Variants in ACSM3 observed in about 807,000 individuals in gnomAD.
The protein encoded by ACSM3 is acyl-CoA synthetase medium chain family member 3.
A neutral mutation model predicts 74.1 loss-of-function variants in ACSM3; 61 were observed. That is an observed-to-expected ratio of 0.82 (90% CI 0.67 to 1.02). The LOEUF is 1.02. Ranked by LOEUF, ACSM3 falls within the 50% of genes least tolerant of loss-of-function variation. The probability of loss-of-function intolerance (pLI) is 0.00; values close to 1 mark genes in which losing one functional copy is unlikely to be tolerated. For synonymous variants in ACSM3, 213 were observed against 241.5 expected (o/e 0.88, Z 1.09); for missense variants, 660 against 697.0 (o/e 0.95, Z 0.60).
intron 1 of ACSM3, among the ~76,000 whole-genome samples, chr16:20,693,839 T>C (rs2079675748): frequency 1.3e-5 from 2 of 152,230 alleles, no homozygotes; most frequent in South Asian, 4.1e-4. Context: ...GCAATTTTAA[T>C]ATTGTAAAAA....
intron 1 of ACSM3, chr16:20,764,886 G>C (rs1015275826): frequency 7.9e-5 from 12 of 152,248 alleles, no homozygotes; most frequent in African/African-American, 2.9e-4. Flanking sequence ...AGAGCAGCCA[G>C]TTTTCTCCTT....
At position 20,796,487 on chromosome 16, in the gene ACSM3, A is replaced by AAAAAACTAC. The variant is rs1350254660; in HGVS notation, c.1673_1674insAAAACTACA (p.Lys558_Val559insLysLeuGln). On this transcript the variant is annotated inframe_insertion and splice_region_variant, in exon 13 of 14. Coordinates refer to ENST00000289416, the MANE Select transcript of ACSM3 (RefSeq NM_005622.4). ...TACAGCACCTTACAAATATCCCAGA[A>AAAAAACTAC]AGGTAGGCATCCTAATTATAACGAA... 6.2e-7 allele frequency: 1 copy of AAAAAACTAC among 1,611,850 alleles called. No homozygotes were observed. The highest frequency in any genetic ancestry group is 1.7e-5 in the Admixed American group (1 of 59,386).
chr16:20,685,501 C>T, intron 1 of ACSM3: 1 of 1,129,668 alleles, frequency 8.9e-7, no homozygotes, highest in Non-Finnish European at 1.3e-6. Context: ...AATGTGAACA[C>T]AGCTTAAGGA....
At chr16:20,680,801 A>G (rs2079428752) in intron 1 of ACSM3, 1 of 152,204 alleles carries the variant, frequency 6.6e-6, no homozygotes, top group South Asian at 2.1e-4. Flanking sequence ...GAGGTTCCAA[A>G]TGCTTCGAAA....
intron 1 of ACSM3, chr16:20,736,761 G>C: frequency 1.0e-6 from 1 of 999,666 alleles, no homozygotes; most frequent in Non-Finnish European, 1.5e-6. Flanking sequence ...ACTACTGTGA[G>C]AACAGCATAA....
intron 1 of ACSM3, among the ~76,000 whole-genome samples, chr16:20,749,005 C>T (rs991873953): frequency 6.6e-6 from 1 of 151,972 alleles, no homozygotes; most frequent in Non-Finnish European, 1.5e-5. Flanking sequence ...GAGCCATAAT[C>T]GCACTCTATG....
chr16:20,712,823 G>A (rs1299605820), intron 1 of ACSM3, among the ~76,000 whole-genome samples: 2 of 151,242 alleles, frequency 1.3e-5, no homozygotes, highest in African/African-American at 2.4e-5. Flanking sequence ...TGAGGCAGGA[G>A]AATCTCTTGA....
intron 2 of ACSM3, among the ~76,000 whole-genome samples, chr16:20,774,346 A>G (rs890562355): frequency 2.0e-5 from 3 of 149,418 alleles, no homozygotes; most frequent in African/African-American, 7.4e-5. Context: ...GGTTCAAGCG[A>G]TTCTCCTGCC....
intron 3 of ACSM3, 139 bp from the exon 4 acceptor site, chr16:20,777,234 G>A: frequency 1.2e-6 from 1 of 805,832 alleles, no homozygotes. Flanking sequence ...ATAAGTGAAA[G>A]CAAGATAAAT....
In ACSM3 at chr16:20,790,701, C is replaced by T; in HGVS notation, c.1326+13C>T. The T allele has an allele frequency of 6.2e-7, 1 of 1,613,990 alleles. No individual in the cohort carries two copies. Among genetic ancestry groups the T allele is most frequent in the Non-Finnish European group, 8.5e-7 (1 of 1,179,936 alleles). On this transcript the variant is annotated intron_variant, in intron 10 of 13. Coordinates refer to ENST00000289416, the MANE Select transcript of ACSM3 (RefSeq NM_005622.4). The surrounding 1 kb of genome is among the most constrained non-coding windows in gnomAD (Gnocchi z 4.0). The stretch of plus-strand genomic sequence containing the variant: ...TACTCATTACGTAGTAAGTGACTTA[C>T]TAAATAATCTCATTTTCTATTTATT...
At chr16:20,717,981 G>GAAGAAGAAGAAA (rs2079770472) in intron 1 of ACSM3, among the ~76,000 whole-genome samples, 1 of 130,838 alleles carries the variant, frequency 7.6e-6, no homozygotes, top group Non-Finnish European at 1.7e-5. Flanking sequence ...AGAAGAAGAA[G>GAAGAAGAAGAAA]AAGAAGAAGA....
chr16:20,752,201 A>C (rs905726853), intron 2 of ACSM3, among the ~76,000 whole-genome samples: 3 of 152,086 alleles, frequency 2.0e-5, no homozygotes, highest in Non-Finnish European at 4.4e-5. Flanking sequence ...CAAAAAAAAA[A>C]AGTGGTCATT....
In ACSM3 at chr16:20,758,387, C is replaced by A. The variant is rs1414476986; in HGVS notation, c.-52+2771C>A. ...GGAGAGTGTATGTGTCGAGGAATTT[C>A]TCCATTTCTTCTAGATTTTCTAGTT... On this transcript the variant is annotated intron_variant, in intron 3 of 3. Coordinates refer to the ACSM3 transcript ENST00000561584. 2.6e-5 allele frequency among the ~76,000 whole-genome samples: 4 copies of A among 152,284 alleles called. No individual in the cohort carries two copies. The East Asian group carries it at 5.8e-4, about 22-fold the overall frequency.
In ACSM3 at chr16:20,781,005, A is replaced by T; in HGVS notation, c.814A>T (p.Met272Leu). 6.2e-7 allele frequency: 1 copy of T among 1,614,182 alleles called. No individual in the cohort carries two copies. Among genetic ancestry groups the T allele is most frequent in the Non-Finnish European group, 8.5e-7 (1 of 1,180,032 alleles). ...GCTAGATTTGACACCCTCAGATGTGATGTGGAATACCTCAGATACGGGCTG... is the reference window on the plus strand; with the variant it reads ...GCTAGATTTGACACCCTCAGATGTGTTGTGGAATACCTCAGATACGGGCTG... The part of the protein sequence containing the change: ...FWLDLTPSDV[M>L]WNTSDTGWAK... The change falls in exon 6 of 14, where the codon ATG (methionine) becomes TTG (leucine). Residue 272 changes from methionine (M) to leucine (L), a missense_variant. Transcript: ENST00000289416.
rs141690447 is a variant in ACSM3, at chr16:20,691,005, T to G, written c.-190+16183T>G. 1.9e-6 allele frequency: 3 copies of G among 1,609,508 alleles called. No homozygotes were observed. In the African/African-American group the frequency reaches 4.0e-5, roughly 22 times the overall value. ...CACGGCAGATCTCTTACCTTCTCCT[T>G]TTGAGCCCAGTAGTCCAGTACATAA... On this transcript the variant is annotated intron_variant, in intron 1 of 3. Coordinates refer to the ACSM3 transcript ENST00000561584.
At chr16:20,689,367 A>G (rs926548700) in intron 1 of ACSM3, among the ~76,000 whole-genome samples, 1 of 152,142 alleles carries the variant, frequency 6.6e-6, no homozygotes, top group Non-Finnish European at 1.5e-5. Context: ...GTAAACACAA[A>G]AGATGTCAGT....
chr16:20,711,707 G>A (rs1021948689), intron 1 of ACSM3: 3 of 474,698 alleles, frequency 6.3e-6, no homozygotes, highest in Admixed American at 3.0e-5. Flanking sequence ...GCCAATCTAC[G>A]CTGCCAGCAA....
At chr16:20,771,717 A>G (rs8052747) in intron 2 of ACSM3, among the ~76,000 whole-genome samples, 29,493 of 152,090 alleles carry the variant, frequency 0.19, 3,300 homozygotes, top group African/African-American at 0.31. Context: ...ATATCTCTTC[A>G]ATAGACTGAT....
chr16:20,680,989 C>G (rs2079433904), intron 1 of ACSM3: 1 of 152,128 alleles, frequency 6.6e-6, no homozygotes, highest in Non-Finnish European at 1.5e-5. Context: ...ACTAGAAGAG[C>G]ATAATCACAA....
Sources: gnomAD v4.1 joint callset for allele counts (sites outside exome capture counted in the v4.1 genomes callset) on GRCh38, gnomAD v4.1.1 for gene constraint, Gnocchi (gnomAD v3.1) non-coding constraint, MANE v1.5 for transcripts, NCBI Gene and HGNC (gene_info 2026-07-23, HGNC 2026-07-21) for gene names.